REPS2: variants seen among roughly 807,000 people sequenced by gnomAD.
The protein encoded by REPS2 is RALBP1 associated Eps domain containing 2.
A neutral mutation model predicts 53.6 loss-of-function variants in REPS2; 23 were observed. The observed-to-expected ratio is 0.43, with a 90% CI of 0.31 to 0.61. The LOEUF (loss-of-function observed/expected upper bound fraction) is 0.61. Ranked by LOEUF, REPS2 falls within the 20% of genes least tolerant of loss-of-function variation. The probability of loss-of-function intolerance (pLI) is 0.11; values close to 1 mark genes in which losing one functional copy is unlikely to be tolerated. For missense variants in REPS2, 446 were observed against 534.9 expected (o/e 0.83, Z 1.64); for synonymous variants, 238 against 218.6 (o/e 1.09, Z -0.78).
chrX:17,096,615 C>A (rs1229402343), intron 13 of REPS2, among the ~76,000 whole-genome samples: 1 of 77,848 alleles, frequency 1.3e-5, no homozygotes, highest in African/African-American at 5.2e-5. Context: ...AGCCGAGATC[C>A]CGCCACTGCA....
chrX:17,175,752 C>T, the REPS2 span, among the ~76,000 whole-genome samples: 2 of 112,304 alleles, frequency 1.8e-5, no homozygotes, highest in African/African-American at 3.2e-5. Flanking sequence ...TCCAGCTGGC[C>T]GTGTGAGAAT....
chrX:17,131,996 A>G (rs912876481), intron 14 of REPS2, among the ~76,000 whole-genome samples: 15 of 109,971 alleles, frequency 1.4e-4, no homozygotes, highest in Admixed American at 8.7e-4. Flanking sequence ...ATGAGCGACA[A>G]TCATTAACAG....
chrX:17,011,870 G>GA (rs1198368104), intron 2 of REPS2, among the ~76,000 whole-genome samples: 2 of 108,821 alleles, frequency 1.8e-5, no homozygotes, highest in African/African-American at 6.7e-5. Context: ...GCTGAGGCAG[G>GA]AGACTAGCTT....
At chrX:17,074,378 C>T in intron 12 of REPS2, 1 of 347,707 alleles carries the variant, frequency 2.9e-6, no homozygotes, top group Non-Finnish European at 5.0e-6. Context: ...ACCATGAATG[C>T]CCTACGGCCC....
At chrX:17,048,344 A>G (rs1393651000) in intron 6 of REPS2, among the ~76,000 whole-genome samples, 1 of 112,170 alleles carries the variant, frequency 8.9e-6, no homozygotes, top group Non-Finnish European at 1.9e-5. Context: ...CAGATACAAC[A>G]AATTAATGTT....
chrX:16,968,370 C>T (rs1440489196), intron 1 of REPS2, among the ~76,000 whole-genome samples: 10 of 110,085 alleles, frequency 9.1e-5, no homozygotes, highest in East Asian at 8.6e-4. Flanking sequence ...ACCTCCCAGA[C>T]GGGGTGGTGG....
chrX:17,031,840 T>C lies in REPS2; in HGVS notation c.771+2217T>C, dbSNP rs757582962. On this transcript the variant is annotated intron_variant, in intron 5 of 17. Coordinates refer to ENST00000357277, the MANE Select transcript of REPS2 (RefSeq NM_004726.3). ...GACATTTCCTATGGGTTTGCCATTT[T>C]ATGAACATTATCTCTTTCAGTGCCC... Among the ~76,000 whole-genome samples the C allele has an allele frequency of 3.4e-3, 384 of 112,461 alleles. 1 individual carries two copies. Among genetic ancestry groups the C allele is most frequent in the African/African-American group, 0.012 (369 of 30,991 alleles).
chrX:16,998,453 A>G (rs1354626932), intron 1 of REPS2, among the ~76,000 whole-genome samples: 2 of 112,094 alleles, frequency 1.8e-5, no homozygotes, highest in African/African-American at 6.5e-5. Flanking sequence ...TTTAGAAGAA[A>G]TGATACCTAC....
At chrX:16,954,578 C>A (rs1271602143) in intron 1 of REPS2, among the ~76,000 whole-genome samples, 1 of 111,189 alleles carries the variant, frequency 9.0e-6, no homozygotes, top group Non-Finnish European at 1.9e-5. Flanking sequence ...TGGTTCAATA[C>A]TGTCAAGCCT....
chrX:17,175,451 C>A, the REPS2 span, among the ~76,000 whole-genome samples: 4 of 112,436 alleles, frequency 3.6e-5, no homozygotes, highest in Admixed American at 9.4e-5. Flanking sequence ...CATGCTTTCA[C>A]CTGCTGGCCT....
intron 14 of REPS2, among the ~76,000 whole-genome samples, chrX:17,105,902 T>C (rs2062868052): frequency 8.9e-6 from 1 of 112,060 alleles, no homozygotes; most frequent in East Asian, 2.8e-4. Context: ...GACACCTATA[T>C]ATTCTAGTCT....
At chrX:16,994,384 C>T (rs967806567) in intron 1 of REPS2, among the ~76,000 whole-genome samples, 4 of 109,061 alleles carry the variant, frequency 3.7e-5, no homozygotes, top group Non-Finnish European at 7.6e-5. Context: ...TATATATACA[C>T]ACACGTACAT....
chrX:17,171,881 GAAT>G, the REPS2 span, among the ~76,000 whole-genome samples: 1 of 111,038 alleles, frequency 9.0e-6, no homozygotes, highest in Non-Finnish European at 1.9e-5. Context: ...TTGAACCTAA[GAAT>G]AATACTGGGA....
At position 16,966,805 on chromosome X, in the gene REPS2, G is replaced by C. The variant is rs751345100; in HGVS notation, c.273+19671G>C. The stretch of plus-strand genomic sequence containing the variant: ...TATCTTGCTACTAATAATATCAGAA[G>C]AGAGTGTTGAGTGGTTTGCTGGGTG... On this transcript the variant is annotated intron_variant, in intron 1 of 17. Coordinates refer to ENST00000357277, the MANE Select transcript of REPS2 (RefSeq NM_004726.3). 1.6e-3 allele frequency among the ~76,000 whole-genome samples: 184 copies of C among 112,618 alleles called. 2 individuals carry two copies. Among genetic ancestry groups the C allele is most frequent in the African/African-American group, 5.9e-3 (182 of 31,055 alleles).
chrX:17,099,696 G>A lies in REPS2; in HGVS notation c.1517-4022G>A, dbSNP rs775761125. ...GGGCATCTTCTCAAGCTACCTCTAT[G>A]GTGTCAAGACAAGTAGAACTTCTTT... On this transcript the variant is annotated intron_variant, in intron 13 of 17. Coordinates refer to ENST00000357277, the MANE Select transcript of REPS2 (RefSeq NM_004726.3). The A allele has an allele frequency of 1.1e-4, 51 of 461,205 alleles. No homozygotes were observed. In the South Asian group the frequency reaches 1.6e-3, roughly 15 times the overall value. 38.0% of individuals were successfully genotyped at this position (461,205 alleles called of 1,213,427 possible). A position where few individuals can be genotyped will look rare whatever the true frequency, so the allele number is the denominator to read the frequency against.
chrX:16,962,660 C>T (rs1810364011), intron 1 of REPS2, among the ~76,000 whole-genome samples: 1 of 111,716 alleles, frequency 9.0e-6, no homozygotes, highest in African/African-American at 3.3e-5. Flanking sequence ...ATTTTAGGTG[C>T]TCTTACCTCT....
At chrX:17,164,854 A>G in the REPS2 span, among the ~76,000 whole-genome samples, 1 of 112,249 alleles carries the variant, frequency 8.9e-6, no homozygotes, top group African/African-American at 3.2e-5. Flanking sequence ...GAAATAGAAA[A>G]TATAAAAACA....
the REPS2 span, among the ~76,000 whole-genome samples, chrX:17,196,042 G>A: frequency 1.8e-5 from 2 of 111,378 alleles, no homozygotes; most frequent in African/African-American, 6.5e-5. Context: ...GTTACTAAAG[G>A]AGGAGGAAGA....
chrX:16,949,494 G>C lies in REPS2; in HGVS notation c.273+2360G>C, dbSNP rs192791683. Among the ~76,000 whole-genome samples, 383 of 112,337 alleles carry C rather than the reference G, an allele frequency of 3.4e-3. 4 individuals carry two copies. Among genetic ancestry groups the C allele is most frequent in the African/African-American group, 0.012 (372 of 30,929 alleles). On this transcript the variant is annotated intron_variant, in intron 1 of 17. Coordinates refer to ENST00000357277, the MANE Select transcript of REPS2 (RefSeq NM_004726.3). ...GTGATCTTGGCTCACTGCAACCTCT[G>C]CCTCCCGGGTTCAAGCGATTCTTCC...
Sources: gnomAD v4.1 joint callset for allele counts (sites outside exome capture counted in the v4.1 genomes callset) on GRCh38, gnomAD v4.1.1 for gene constraint, MANE v1.5 for transcripts, NCBI Gene and HGNC (gene_info 2026-07-23, HGNC 2026-07-21) for gene names.